MAGI1: variants seen among roughly 807,000 people sequenced by gnomAD.
MAGI1 encodes membrane-associated guanylate kinase, WW and PDZ domain-containing protein 1.
In MAGI1, 58 loss-of-function variants were observed where a neutral mutation model predicts 139.9. The observed-to-expected ratio is 0.41, with a 90% CI of 0.34 to 0.52. The LOEUF is 0.52. Among genes scored for constraint, MAGI1 ranks in the 20% least tolerant of loss-of-function variants. The probability of loss-of-function intolerance (pLI) is 0.12; values close to 1 mark genes in which losing one functional copy is unlikely to be tolerated. For synonymous variants in MAGI1, 812 were observed against 737.9 expected (o/e 1.10, Z -1.63); for missense variants, 1,874 against 1,901.6 (o/e 0.99, Z 0.27).
intron 1 of MAGI1, among the ~76,000 whole-genome samples, chr3:65,831,313 C>A (rs1314599089): frequency 6.6e-6 from 1 of 152,130 alleles, no homozygotes; most frequent in Non-Finnish European, 1.5e-5. Flanking sequence ...GGCCACCTGG[C>A]AAAAATTTTT....
At chr3:65,782,944 T>C (rs72908288) in intron 1 of MAGI1, among the ~76,000 whole-genome samples, 11,318 of 150,958 alleles carry the variant, frequency 0.075, 490 homozygotes, top group African/African-American at 0.12. Flanking sequence ...TTCATGACCT[T>C]GAGTTAAGCA....
At chr3:65,501,274 T>A (rs998961234) in intron 2 of MAGI1, among the ~76,000 whole-genome samples, 1 of 150,526 alleles carries the variant, frequency 6.6e-6, no homozygotes, top group Admixed American at 6.6e-5. Flanking sequence ...AGGTCAGGAG[T>A]TCAAGACCAG....
intron 2 of MAGI1, among the ~76,000 whole-genome samples, chr3:65,574,026 C>A (rs894583308): frequency 6.6e-6 from 1 of 151,880 alleles, no homozygotes; most frequent in Non-Finnish European, 1.5e-5. Flanking sequence ...TTGCTGACCC[C>A]TGATCTATGT....
chr3:65,889,775 ATGGGGGGT>A (rs2060669498), intron 1 of MAGI1, among the ~76,000 whole-genome samples: 1 of 152,194 alleles, frequency 6.6e-6, no homozygotes, highest in South Asian at 2.1e-4. Context: ...GTATGGGGGC[ATGGGGGGT>A]TGTCAGGTAA....
chr3:65,389,447 ACTGTATTGAGGAGAG>A (rs1943721926), intron 14 of MAGI1, among the ~76,000 whole-genome samples: 1 of 152,172 alleles, frequency 6.6e-6, no homozygotes, highest in Non-Finnish European at 1.5e-5. Flanking sequence ...ATAAATGTGT[ACTGTATTGAGGAGAG>A]CAGGAGTTCG....
intron 1 of MAGI1, among the ~76,000 whole-genome samples, chr3:65,949,812 G>A (rs891157849): frequency 1.3e-5 from 2 of 151,994 alleles, no homozygotes; most frequent in South Asian, 2.1e-4. Flanking sequence ...GGCTGGGCAC[G>A]GTGGCACATG....
At chr3:65,611,608 T>C (rs930827045) in intron 2 of MAGI1, among the ~76,000 whole-genome samples, 5 of 137,622 alleles carry the variant, frequency 3.6e-5, no homozygotes, top group Admixed American at 7.5e-5. Context: ...AGTATATATA[T>C]ACTATACTAG....
intron 2 of MAGI1, among the ~76,000 whole-genome samples, chr3:65,538,259 C>A (rs2079050230): frequency 6.6e-6 from 1 of 152,158 alleles, no homozygotes; most frequent in Non-Finnish European, 1.5e-5. Flanking sequence ...TATTGGGAAC[C>A]AGAAAAACAA....
At position 66,035,112 on chromosome 3, in the gene MAGI1, G is replaced by A. The variant is rs566243773; in HGVS notation, c.313+2884C>T. Among the ~76,000 whole-genome samples, 8 of 152,246 alleles carry A rather than the reference G, an allele frequency of 5.3e-5. No individual in the cohort carries two copies. In the East Asian group the frequency reaches 1.5e-3, roughly 29 times the overall value. On this transcript the variant is annotated intron_variant, in intron 1 of 22. Coordinates refer to ENST00000402939, the MANE Select transcript of MAGI1 (RefSeq NM_001033057.2). ...TAAAGGCATTTTATGACAAAGTACT[G>A]TCTTCCCCACTTAAAATGAACCAAC...
chr3:65,968,300 G>A (rs1007019912), intron 1 of MAGI1, among the ~76,000 whole-genome samples: 1 of 152,080 alleles, frequency 6.6e-6, no homozygotes, highest in Non-Finnish European at 1.5e-5. Context: ...TGTGCATAAA[G>A]ATCAAAATAC....
chr3:65,893,626 G>A (rs1490495605), intron 1 of MAGI1, among the ~76,000 whole-genome samples: 9 of 152,074 alleles, frequency 5.9e-5, no homozygotes, highest in Non-Finnish European at 1.3e-4. Flanking sequence ...TTTTGCCCCA[G>A]GTTACACAGT....
chr3:65,807,869 T>C (rs1362029342), intron 1 of MAGI1, among the ~76,000 whole-genome samples: 1 of 152,128 alleles, frequency 6.6e-6, no homozygotes, highest in Non-Finnish European at 1.5e-5. Context: ...TACAGAGCGA[T>C]TGAGTAAATT....
At chr3:65,840,750 T>A (rs910619985) in intron 1 of MAGI1, among the ~76,000 whole-genome samples, 3 of 152,288 alleles carry the variant, frequency 2.0e-5, no homozygotes, top group Non-Finnish European at 4.4e-5. Context: ...GTTTTGTTTT[T>A]GTTTTTAGTA....
intron 2 of MAGI1, among the ~76,000 whole-genome samples, chr3:65,500,476 T>C (rs2077038803): frequency 6.6e-6 from 1 of 152,222 alleles, no homozygotes; most frequent in African/African-American, 2.4e-5. Flanking sequence ...CTTCAGAGAC[T>C]CCTGCTGAGG....
At chr3:65,791,836 G>A (rs916073763) in intron 1 of MAGI1, among the ~76,000 whole-genome samples, 1 of 152,064 alleles carries the variant, frequency 6.6e-6, no homozygotes, top group Non-Finnish European at 1.5e-5. Flanking sequence ...GTTTCTTTAA[G>A]GCTTTTTCAA....
At chr3:65,361,610 C>T (rs1034762333) in intron 21 of MAGI1, among the ~76,000 whole-genome samples, 3 of 152,204 alleles carry the variant, frequency 2.0e-5, no homozygotes, top group Non-Finnish European at 2.9e-5. Flanking sequence ...TAAGAAGGCT[C>T]CCATGATTTC....
Position 65,354,980 on chromosome 3 carries a change from A to G in MAGI1, c.*1398T>C, listed in dbSNP as rs1940139319. The stretch of plus-strand genomic sequence containing the variant: ...TTTCTGTCTCTATGGAAAATGCAAA[A>G]CAGTACTACAGAAATACACAATGCA... On this transcript the variant is annotated 3_prime_UTR_variant, in exon 23 of 23. Transcript: ENST00000402939. The G allele has an allele frequency of 6.6e-6, 1 of 152,332 alleles. No homozygotes were observed. Among genetic ancestry groups the G allele is most frequent in the African/African-American group, 2.4e-5 (1 of 41,320 alleles). 9.4% of individuals were successfully genotyped at this position (152,332 alleles called of 1,614,324 possible).
intron 2 of MAGI1, among the ~76,000 whole-genome samples, chr3:65,558,366 G>C (rs2080187548): frequency 6.6e-6 from 1 of 152,134 alleles, no homozygotes; most frequent in South Asian, 2.1e-4. Flanking sequence ...ATCACGAAGA[G>C]AGCAGACAGG....
At chr3:65,752,781 C>T (rs1383322877) in intron 1 of MAGI1, among the ~76,000 whole-genome samples, 1 of 152,156 alleles carries the variant, frequency 6.6e-6, no homozygotes, top group Non-Finnish European at 1.5e-5. Context: ...CATATCCCAC[C>T]CCGACTTCAA....
Sources: allele counts gnomAD v4.1 joint callset (sites outside exome capture counted in the v4.1 genomes callset), GRCh38; gene constraint gnomAD v4.1.1; transcripts MANE v1.5; gene names NCBI Gene and HGNC (gene_info 2026-07-23, HGNC 2026-07-21).